Variants in ASB18 observed in about 807,000 individuals in gnomAD.
The protein encoded by ASB18 is ankyrin repeat and SOCS box protein 18.
Under a neutral mutation model 33.4 loss-of-function variants are expected in ASB18, and 33 were observed. The ratio of observed to expected loss-of-function variants is 0.99; its 90% confidence interval spans 0.75 to 1.32. The LOEUF is 1.32. Among genes scored for constraint, ASB18 ranks in the 40% most tolerant of loss-of-function variants. The probability of loss-of-function intolerance (pLI) is 0.00; values close to 1 mark genes in which losing one functional copy is unlikely to be tolerated. For synonymous variants in ASB18, 295 were observed against 307.6 expected (o/e 0.96, Z 0.43); for missense variants, 694 against 655.5 (o/e 1.06, Z -0.64).
chr2:236,243,685 ATT>A (rs5839630), intron 1 of ASB18, among the ~76,000 whole-genome samples: 1 of 150,808 alleles, frequency 6.6e-6, no homozygotes, highest in East Asian at 2.0e-4. Flanking sequence ...GTAATGCCAC[ATT>A]TTTTTTTTCA....
rs980566550 is a variant in ASB18 at position 236,220,266 on chromosome 2, G to A, written c.597-5400C>T. ...ACTGGCTTTTCCTAGTCCCTTCCCAGGGCACAAGGCCTGGAGGCCTCAGCC... is the reference window on the plus strand; with the variant it reads ...ACTGGCTTTTCCTAGTCCCTTCCCAAGGCACAAGGCCTGGAGGCCTCAGCC... On this transcript the variant is annotated intron_variant, in intron 3 of 5. Coordinates refer to ENST00000409749, the MANE Select transcript of ASB18 (RefSeq NM_212556.4). This position sits in a 1 kb window ranked among gnomAD's most constrained non-coding sequence, Gnocchi z 5.1. Among the ~76,000 whole-genome samples, 29 of 152,136 alleles carry A rather than the reference G, an allele frequency of 1.9e-4. No homozygotes were observed. The highest frequency in any genetic ancestry group is 6.5e-4 in the African/African-American group (27 of 41,440).
chr2:236,213,590 T>C lies in ASB18; in HGVS notation c.1101+772A>G, dbSNP rs886402726. 1 of 152,208 alleles carries C rather than the reference T, an allele frequency of 6.6e-6. No individual in the cohort carries two copies. The highest frequency in any genetic ancestry group is 6.5e-5 in the Admixed American group (1 of 15,284). The allele number at this position is 152,208 out of a possible 1,614,324, so 9.4% of individuals were successfully genotyped here. On this transcript the variant is annotated intron_variant, in intron 4 of 5. Coordinates refer to ENST00000409749, the MANE Select transcript of ASB18 (RefSeq NM_212556.4). The surrounding 1 kb of genome is among the most constrained non-coding windows in gnomAD (Gnocchi z 4.8). Reference sequence around the variant, plus strand: ...ACAACCTGTTACTCCAGCCAATATTTTGGAAACATTTTCAGTCTTTTGGGT... The same window carrying C: ...ACAACCTGTTACTCCAGCCAATATTCTGGAAACATTTTCAGTCTTTTGGGT...
rs1006102315 is a variant in ASB18, at chr2:236,204,292, A to G, written c.1102-7907T>C. Among the ~76,000 whole-genome samples, 12 of 152,082 alleles carry G rather than the reference A, an allele frequency of 7.9e-5. No homozygotes were observed. The highest frequency in any genetic ancestry group is 6.5e-4 in the Admixed American group (10 of 15,276). On this transcript the variant is annotated intron_variant, in intron 4 of 5. Coordinates refer to ENST00000409749, the MANE Select transcript of ASB18 (RefSeq NM_212556.4). The surrounding 1 kb of genome is among the most constrained non-coding windows in gnomAD (Gnocchi z 5.1). The stretch of plus-strand genomic sequence containing the variant: ...TTACTTGCTGTGTCAGCCACGCCTG[A>G]CATGTTGACGATGTCTTCCACCTCA...
In ASB18 at chr2:236,255,531, G is replaced by A. The variant is rs777178604; in HGVS notation, c.205+8610C>T. ...AGGTGGGCACATTGCATGCCACAGG[G>A]ATTTTGCTGGTAAAGCAGGAGAGGA... is the stretch of plus-strand genomic sequence containing the variant. On this transcript the variant is annotated intron_variant, in intron 1 of 5. Coordinates refer to ENST00000409749, the MANE Select transcript of ASB18 (RefSeq NM_212556.4). This position sits in a 1 kb window ranked among gnomAD's most constrained non-coding sequence, Gnocchi z 4.4. Among the ~76,000 whole-genome samples, 11 of 152,162 alleles carry A rather than the reference G, an allele frequency of 7.2e-5. No homozygotes were observed. The highest frequency in any genetic ancestry group is 1.3e-4 in the Admixed American group (2 of 15,276).
At position 236,226,403 on chromosome 2, in the gene ASB18, G is replaced by A. The variant is rs902715573; in HGVS notation, c.596+11286C>T. Reference sequence around the variant, plus strand: ...CCAAAGGGAAAGACTCCCATAGAGCGACACAGAGAAGAGAAAATGAAACAA... The same window carrying A: ...CCAAAGGGAAAGACTCCCATAGAGCAACACAGAGAAGAGAAAATGAAACAA... On this transcript the variant is annotated intron_variant, in intron 3 of 5. Transcript: ENST00000409749. This position sits in a 1 kb window ranked among gnomAD's most constrained non-coding sequence, Gnocchi z 4.8. Among the ~76,000 whole-genome samples, 2 of 152,020 alleles carry A rather than the reference G, an allele frequency of 1.3e-5. No homozygotes were observed. Among genetic ancestry groups the A allele is most frequent in the African/African-American group, 4.8e-5 (2 of 41,384 alleles).
In ASB18 at chr2:236,260,207, T is replaced by A. The variant is rs951694988; in HGVS notation, c.205+3934A>T. Among the ~76,000 whole-genome samples, 2 of 152,226 alleles carry A rather than the reference T, an allele frequency of 1.3e-5. No individual in the cohort carries two copies. Among genetic ancestry groups the A allele is most frequent in the African/African-American group, 4.8e-5 (2 of 41,452 alleles). ...AGAGTTCTGTCTACTGGGCTTGTCC[T>A]TGGGATAGAAACCTCTTCCCTCTTC... On this transcript the variant is annotated intron_variant, in intron 1 of 5. Coordinates refer to ENST00000409749, the MANE Select transcript of ASB18 (RefSeq NM_212556.4). The surrounding 1 kb of genome is among the most constrained non-coding windows in gnomAD (Gnocchi z 5.1).
In ASB18 at chr2:236,249,402, G is replaced by C. The variant is rs2060659230; in HGVS notation, c.206-8000C>G. The stretch of plus-strand genomic sequence containing the variant: ...TCACACTGAGGATGTGAAGGGGTCT[G>C]TCACAGTTTGCACAGCCTTATTCCA... On this transcript the variant is annotated intron_variant, in intron 1 of 5. Transcript: ENST00000409749. The surrounding 1 kb of genome is among the most constrained non-coding windows in gnomAD (Gnocchi z 4.6). 6.6e-6 allele frequency: 1 copy of C among 152,188 alleles called. No individual in the cohort carries two copies. 9.4% of individuals were successfully genotyped at this position (152,188 alleles called of 1,614,324 possible). A position where few individuals can be genotyped will look rare whatever the true frequency, so the allele number is the denominator to read the frequency against.
At position 236,214,829 on chromosome 2, in the gene ASB18, G is replaced by T; in HGVS notation, c.634C>A (p.Gln212Lys). Residue 212 changes from glutamine (Q) to lysine (K), a missense_variant, in exon 4 of 6, where the codon CAG becomes AAG. Gln to Lys is a moderately conservative substitution (Grantham distance 53, BLOSUM62 1). Transcript: ENST00000409749. This position sits in a 1 kb window ranked among gnomAD's most constrained non-coding sequence, Gnocchi z 6.5. Reference protein sequence around the residue: ...QALLEHGASVQRVGGTGRDTP... With the variant: ...QALLEHGASVKRVGGTGRDTP... ...TCCCGGCCCGTGCCGCCCACGCGCTGCACCGAGGCCCCGTGCTCCAGCAGC... is the reference window on the plus strand; with the variant it reads ...TCCCGGCCCGTGCCGCCCACGCGCTTCACCGAGGCCCCGTGCTCCAGCAGC... 1 of 1,213,882 alleles carries T rather than the reference G, an allele frequency of 8.2e-7. No homozygotes were observed. The highest frequency in any genetic ancestry group is 1.0e-6 in the Non-Finnish European group (1 of 976,132). 75.2% of individuals were successfully genotyped at this position (1,213,882 alleles called of 1,614,324 possible).
rs2060445776 is a variant in ASB18 at position 236,208,791 on chromosome 2, AAC to A, written c.1101+5569_1101+5570del. Among the ~76,000 whole-genome samples, 4 of 152,248 alleles carry A rather than the reference AAC, an allele frequency of 2.6e-5. No individual in the cohort carries two copies. In the South Asian group the frequency reaches 8.3e-4, roughly 32 times the overall value. On this transcript the variant is annotated intron_variant, in intron 4 of 5. Transcript: ENST00000409749. The surrounding 1 kb of genome is among the most constrained non-coding windows in gnomAD (Gnocchi z 7.7). ...TGGCTGCCTTCATTATTTTTACGCC[AAC>A]ACAGTTTAAAAATCTCCGCGGCCTC...
chr2:236,243,718 TA>T (rs1408720502), intron 1 of ASB18, among the ~76,000 whole-genome samples: 1 of 152,166 alleles, frequency 6.6e-6, no homozygotes, highest in Non-Finnish European at 1.5e-5. Flanking sequence ...AACAGTTCTT[TA>T]TTAGTAACTT....
In ASB18 at chr2:236,246,346, C is replaced by CAAAAAAAA. The variant is rs60064230; in HGVS notation, c.206-4952_206-4945dup. The stretch of plus-strand genomic sequence containing the variant: ...TGGGTGACAGAGCAAGACTCCATCT[C>CAAAAAAAA]AAAAAAAAAAAAAAAAAAAAAAAAA... On this transcript the variant is annotated intron_variant, in intron 1 of 5. Coordinates refer to ENST00000409749, the MANE Select transcript of ASB18 (RefSeq NM_212556.4). Among the ~76,000 whole-genome samples the CAAAAAAAA allele has an allele frequency of 1.8e-3, 59 of 32,714 alleles. 4 individuals carry two copies. Among genetic ancestry groups the CAAAAAAAA allele is most frequent in the South Asian group, 4.8e-3 (2 of 416 alleles). 21.5% of individuals were successfully genotyped at this position (32,714 alleles called of 152,430 possible).
Position 236,195,942 on chromosome 2 carries a change from T to C in ASB18, c.1215+330A>G, listed in dbSNP as rs1047521878. On this transcript the variant is annotated intron_variant, in intron 5 of 5. Transcript: ENST00000409749. This position sits in a 1 kb window ranked among gnomAD's most constrained non-coding sequence, Gnocchi z 5.5. ...AAGCTGACTCACAGGGCCGGATTAG[T>C]ATGTCCTGACGTGGAGCTAGGCCCG... 6.7e-5 allele frequency: 25 copies of C among 372,650 alleles called. No individual in the cohort carries two copies. The highest frequency in any genetic ancestry group is 1.2e-4 in the Non-Finnish European group (24 of 194,172). The allele number at this position is 372,650 out of a possible 1,614,324, so 23.1% of individuals were successfully genotyped here. A position where few individuals can be genotyped will look rare whatever the true frequency, so the allele number is the denominator to read the frequency against.
Position 236,262,840 on chromosome 2 carries a change from T to C in ASB18, c.205+1301A>G, listed in dbSNP as rs2060725797. Among the ~76,000 whole-genome samples the C allele has an allele frequency of 6.6e-6, 1 of 151,452 alleles. No homozygotes were observed. The highest frequency in any genetic ancestry group is 2.1e-4 in the South Asian group (1 of 4,770). ...AGGTTCCTCCCTAAAGCGACTTGCTTAAGTCCCCACTGAAAGGCAGCCCAG... is the reference window on the plus strand; with the variant it reads ...AGGTTCCTCCCTAAAGCGACTTGCTCAAGTCCCCACTGAAAGGCAGCCCAG... On this transcript the variant is annotated intron_variant, in intron 1 of 5. Coordinates refer to ENST00000409749, the MANE Select transcript of ASB18 (RefSeq NM_212556.4). This position sits in a 1 kb window ranked among gnomAD's most constrained non-coding sequence, Gnocchi z 5.2.
At position 236,252,469 on chromosome 2, in the gene ASB18, C is replaced by G. The variant is rs143305490; in HGVS notation, c.206-11067G>C. On this transcript the variant is annotated intron_variant, in intron 1 of 5. Transcript: ENST00000409749. This position sits in a 1 kb window ranked among gnomAD's most constrained non-coding sequence, Gnocchi z 7.9. ...CAGAGTGATGGGGTAGGGATAGGGC[C>G]AGCTTCCCCCTAATATGGCATCTGA... Among the ~76,000 whole-genome samples, 121 of 152,236 alleles carry G rather than the reference C, an allele frequency of 7.9e-4. No individual in the cohort carries two copies. Among genetic ancestry groups the G allele is most frequent in the African/African-American group, 2.7e-3 (114 of 41,540 alleles).
chr2:236,237,686 T>A lies in ASB18; in HGVS notation c.596+3A>T. The A allele has an allele frequency of 6.9e-7, 1 of 1,445,446 alleles. No homozygotes were observed. 89.5% of individuals were successfully genotyped at this position (1,445,446 alleles called of 1,614,324 possible). ...CGCCGCGGGCCTGTCCCGAGGTCCT[T>A]ACCCGAGCGAGGCGGCCGTGCGGCA... On this transcript the variant is annotated splice_donor_region_variant and intron_variant, in intron 3 of 5. Coordinates refer to ENST00000409749, the MANE Select transcript of ASB18 (RefSeq NM_212556.4). This position sits in a 1 kb window ranked among gnomAD's most constrained non-coding sequence, Gnocchi z 6.2.
Position 236,214,837 on chromosome 2 carries a change from G to T in ASB18, c.626C>A (p.Ala209Asp), listed in dbSNP as rs2060479195. ...CGTGCCGCCCACGCGCTGCACCGAG[G>T]CCCCGTGCTCCAGCAGCGCCTGCGC... is the stretch of plus-strand genomic sequence containing the variant. ...GCAQALLEHG[A>D]SVQRVGGTGR... The change falls in exon 4 of 6, where the codon GCC becomes GAC. Residue 209 changes from alanine (A) to aspartate (D), a missense_variant. Coordinates refer to ENST00000409749, the MANE Select transcript of ASB18 (RefSeq NM_212556.4). This position sits in a 1 kb window ranked among gnomAD's most constrained non-coding sequence, Gnocchi z 6.5. The T allele has an allele frequency of 2.5e-6, 3 of 1,213,102 alleles. No individual in the cohort carries two copies. Among genetic ancestry groups the T allele is most frequent in the Non-Finnish European group, 3.1e-6 (3 of 975,646 alleles). The allele number at this position is 1,213,102 out of a possible 1,614,324, so 75.1% of individuals were successfully genotyped here. A position where few individuals can be genotyped will look rare whatever the true frequency, so the allele number is the denominator to read the frequency against.
rs2060511798 is a variant in ASB18, at chr2:236,221,317, A to G, written c.597-6451T>C. On this transcript the variant is annotated intron_variant, in intron 3 of 5. Coordinates refer to ENST00000409749, the MANE Select transcript of ASB18 (RefSeq NM_212556.4). The surrounding 1 kb of genome is among the most constrained non-coding windows in gnomAD (Gnocchi z 5.6). ...CTTTTGTGTGTGAGTGGGGAAAGGG[A>G]CATTGCTTCTGAACATTTTGTTAGT... Among the ~76,000 whole-genome samples, 1 of 152,206 alleles carries G rather than the reference A, an allele frequency of 6.6e-6. No individual in the cohort carries two copies. Among genetic ancestry groups the G allele is most frequent in the African/African-American group, 2.4e-5 (1 of 41,444 alleles).
chr2:236,243,203 G>A (rs937948624), intron 1 of ASB18, among the ~76,000 whole-genome samples: 12 of 151,082 alleles, frequency 7.9e-5, no homozygotes, highest in Non-Finnish European at 1.3e-4. Context: ...GGTGGTGGGC[G>A]CCTGTAGTCC....
rs1361579578 is a variant in ASB18, at chr2:236,256,412, T to C, written c.205+7729A>G. Reference sequence around the variant, plus strand: ...CCTGTCCAATATCCAGGTGCAGAGGTTGGCATTAAAAGATAGTGGGGCATT... The same window carrying C: ...CCTGTCCAATATCCAGGTGCAGAGGCTGGCATTAAAAGATAGTGGGGCATT... On this transcript the variant is annotated intron_variant, in intron 1 of 5. Transcript: ENST00000409749. This position sits in a 1 kb window ranked among gnomAD's most constrained non-coding sequence, Gnocchi z 4.7. Among the ~76,000 whole-genome samples the C allele has an allele frequency of 6.6e-6, 1 of 152,052 alleles. No homozygotes were observed. Among genetic ancestry groups the C allele is most frequent in the Non-Finnish European group, 1.5e-5 (1 of 67,988 alleles).
Sources: gnomAD v4.1 joint callset for allele counts (sites outside exome capture counted in the v4.1 genomes callset) on GRCh38, gnomAD v4.1.1 for gene constraint, Gnocchi (gnomAD v3.1) non-coding constraint, MANE v1.5 for transcripts, NCBI Gene and HGNC (gene_info 2026-07-23, HGNC 2026-07-21) for gene names.